Variants in MET observed in about 807,000 individuals in gnomAD.
MET encodes the protein MET proto-oncogene, receptor tyrosine kinase, also known as hepatocyte growth factor receptor.
In MET, 48 loss-of-function variants were observed where a neutral mutation model predicts 133.1. The ratio of observed to expected loss-of-function variants is 0.36; its 90% CI spans 0.29 to 0.46. The LOEUF is 0.46. Among genes scored for constraint, MET ranks in the 20% least tolerant of loss-of-function variants. MET has a pLI of 1.00. For missense variants in MET, 1,442 were observed against 1,695.9 expected (o/e 0.85, Z 2.63); for synonymous variants, 628 against 616.5 (o/e 1.02, Z -0.28).
intron 19 of MET, among the ~76,000 whole-genome samples, chr7:116,787,507 G>A (rs951352029): frequency 1.3e-5 from 2 of 152,214 alleles, no homozygotes; most frequent in Admixed American, 6.5e-5. Context: ...ATAACATGGT[G>A]GAAGGCATCA....
intron 5 of MET, among the ~76,000 whole-genome samples, chr7:116,751,357 G>A (rs1793911630): frequency 6.6e-6 from 1 of 152,136 alleles, no homozygotes. Context: ...TCACTCATAA[G>A]TGGGAGTTGA....
In MET at chr7:116,760,928, A is replaced by G. The variant is rs1273370956; in HGVS notation, c.2364+1438A>G. Among the ~76,000 whole-genome samples the G allele has an allele frequency of 2.6e-5, 4 of 152,196 alleles. No individual in the cohort carries two copies. The East Asian group carries it at 5.8e-4, about 22-fold the overall frequency. On this transcript the variant is annotated intron_variant, in intron 10 of 20. Coordinates refer to ENST00000397752, the MANE Select transcript of MET (RefSeq NM_000245.4). ...ATTTAAAGGACATCAGTTCTCCACA[A>G]CTAAGCATAACAATGTTTCATTAAC... is the stretch of plus-strand genomic sequence containing the variant.
At chr7:116,785,153 C>A (rs1213887634) in intron 19 of MET, among the ~76,000 whole-genome samples, 1 of 152,238 alleles carries the variant, frequency 6.6e-6, no homozygotes, top group Non-Finnish European at 1.5e-5. Flanking sequence ...TTGGGCAGCT[C>A]TGCTCCTGTG....
rs531994376 is a variant in MET, at chr7:116,724,240, G to A, written c.1201-7428G>A. 1.3e-4 allele frequency: 22 copies of A among 168,772 alleles called. No individual in the cohort carries two copies. The South Asian group carries it at 2.3e-3, about 17-fold the overall frequency. The allele number at this position is 168,772 out of a possible 1,614,324, so 10.5% of individuals were successfully genotyped here. On this transcript the variant is annotated intron_variant, in intron 2 of 20. Transcript: ENST00000397752. ...CGCAATATTCGGGTGGGAGTGACCC[G>A]ATTTTCCAGGTGCGTCTGTCACCCC... is the stretch of plus-strand genomic sequence containing the variant.
intron 2 of MET, chr7:116,724,802 C>A: frequency 7.8e-7 from 1 of 1,288,792 alleles, no homozygotes; most frequent in Non-Finnish European, 1.0e-6. Flanking sequence ...GAGGTGAAGA[C>A]CCTGGAGCCA....
At chr7:116,717,213 G>C (rs1792277707) in intron 2 of MET, among the ~76,000 whole-genome samples, 1 of 152,160 alleles carries the variant, frequency 6.6e-6, no homozygotes, top group African/African-American at 2.4e-5. Context: ...GATCTGCTTT[G>C]CCAGAGAGCT....
intron 2 of MET, among the ~76,000 whole-genome samples, chr7:116,719,542 T>C (rs1274339810): frequency 6.6e-6 from 1 of 152,162 alleles, no homozygotes; most frequent in African/African-American, 2.4e-5. Flanking sequence ...GCTTTTGGTG[T>C]TTTGGACATG....
chr7:116,704,713 A>G (rs556325842), intron 2 of MET, among the ~76,000 whole-genome samples: 5 of 152,204 alleles, frequency 3.3e-5, no homozygotes, highest in African/African-American at 1.2e-4. Flanking sequence ...GAGAAAGACA[A>G]TTGAATCAAA....
chr7:116,745,257 C>A (rs2116860664), intron 5 of MET, among the ~76,000 whole-genome samples: 1 of 152,224 alleles, frequency 6.6e-6, no homozygotes, highest in South Asian at 2.1e-4. Context: ...GAACTACAAA[C>A]CACTGCTCAA....
chr7:116,740,964 G>A lies in MET; in HGVS notation c.1640G>A (p.Arg547Gln), dbSNP rs761951444. The A allele has an allele frequency of 2.7e-5, 44 of 1,613,880 alleles. No homozygotes were observed. Among genetic ancestry groups the A allele is most frequent in the Middle Eastern group, 1.6e-4 (1 of 6,084 alleles). The change falls in exon 5 of 21, where the codon CGA becomes CAA. Residue 547 changes from arginine (R) to glutamine (Q), a missense_variant. By Grantham distance (43) the Arg-to-Gln change is conservative. This residue lies in a region of MET where 762 missense variants were observed against 792.4 expected (regional missense o/e 0.96). Coordinates refer to ENST00000397752, the MANE Select transcript of MET (RefSeq NM_000245.4). ...QCGWCHDKCV[R>Q]SEECLSGTWT... is the part of the protein sequence containing the mutation. ...GGCTGGTGCCACGACAAATGTGTGCGATCGGAGGAATGCCTGAGCGGGACA... is the reference window on the plus strand; with the variant it reads ...GGCTGGTGCCACGACAAATGTGTGCAATCGGAGGAATGCCTGAGCGGGACA...
intron 11 of MET, among the ~76,000 whole-genome samples, chr7:116,768,687 A>G (rs1274773656): frequency 6.6e-6 from 1 of 152,236 alleles, no homozygotes; most frequent in Non-Finnish European, 1.5e-5. Context: ...ACAAAGGAGC[A>G]GCATTTTAGC....
At chr7:116,781,714 C>T (rs1006780676) in intron 17 of MET, among the ~76,000 whole-genome samples, 5 of 152,030 alleles carry the variant, frequency 3.3e-5, no homozygotes, top group Middle Eastern at 6.3e-3. Flanking sequence ...ACTATAGGTG[C>T]ACACCACCAC....
chr7:116,778,722 A>G, intron 16 of MET, 54 bp from the exon 17 acceptor site: 1 of 1,586,580 alleles, frequency 6.3e-7, no homozygotes, highest in Admixed American at 1.7e-5. Context: ...AAATTTGACA[A>G]AAGTATTCAC....
chr7:116,719,741 TA>T (rs1792401701), intron 2 of MET, among the ~76,000 whole-genome samples: 1 of 151,986 alleles, frequency 6.6e-6, no homozygotes, highest in Non-Finnish European at 1.5e-5. Flanking sequence ...ATTTATTAAA[TA>T]GGGAATCCTT....
intron 14 of MET, among the ~76,000 whole-genome samples, chr7:116,773,018 A>T (rs571659316): frequency 2.0e-5 from 3 of 152,292 alleles, no homozygotes; most frequent in Admixed American, 2.0e-4. Flanking sequence ...AGTATTTTAT[A>T]TGCACATTTC....
At chr7:116,733,719 AT>A (rs1374612216) in intron 3 of MET, among the ~76,000 whole-genome samples, 1 of 152,080 alleles carries the variant, frequency 6.6e-6, no homozygotes, top group Admixed American at 6.6e-5. Flanking sequence ...GGTATCACTG[AT>A]TTTTTTTAAA....
intron 2 of MET, among the ~76,000 whole-genome samples, chr7:116,712,722 T>G (rs989895818): frequency 1.3e-5 from 2 of 151,380 alleles, no homozygotes; most frequent in African/African-American, 4.9e-5. Flanking sequence ...CCTCCTTCAT[T>G]CACCAGTCTG....
chr7:116,774,170 C>CA (rs1295577027), intron 14 of MET, among the ~76,000 whole-genome samples: 1 of 152,110 alleles, frequency 6.6e-6, no homozygotes, highest in Non-Finnish European at 1.5e-5. Context: ...ATTCTCCTTG[C>CA]AAAAGGGAAC....
chr7:116,750,563 A>C (rs899302009), intron 5 of MET, among the ~76,000 whole-genome samples: 1 of 152,272 alleles, frequency 6.6e-6, no homozygotes, highest in Non-Finnish European at 1.5e-5. Flanking sequence ...CAATGGCAAC[A>C]AAAGTCTAAA....
Sources: allele counts gnomAD v4.1 joint callset (sites outside exome capture counted in the v4.1 genomes callset), GRCh38; gene constraint gnomAD v4.1.1; regional missense constraint gnomAD v4.1.1; transcripts MANE v1.5; gene names NCBI Gene and HGNC (gene_info 2026-07-23, HGNC 2026-07-21).